The following NRXN1 variants were observed in gnomAD, a reference collection of about 807,000 sequenced individuals.
NRXN1 encodes neurexin-1.
Under a neutral mutation model 150.9 loss-of-function variants are expected in NRXN1, and 39 were observed. The observed-to-expected ratio is 0.26, with a 90% confidence interval of 0.20 to 0.34. The LOEUF (loss-of-function observed/expected upper bound fraction) is 0.34, where lower values mean the gene tolerates loss of function less well. NRXN1 is among the 10% of genes least tolerant of loss of function. The pLI, the probability that NRXN1 is intolerant of heterozygous loss-of-function variation, is 1.00. For missense variants in NRXN1, 1,815 were observed against 1,949.9 expected (o/e 0.93, Z 1.30); for synonymous variants, 924 against 757.0 (o/e 1.22, Z -3.62).
At position 50,093,673 on chromosome 2, in the gene NRXN1, G is replaced by T. The variant is rs189096159; in HGVS notation, c.3547-2179C>A. Among the ~76,000 whole-genome samples the T allele has an allele frequency of 7.9e-4, 120 of 152,038 alleles. 1 individual carries two copies. Among genetic ancestry groups the T allele is most frequent in the Non-Finnish European group, 1.3e-4 (9 of 67,964 alleles). Reference sequence around the variant, plus strand: ...TTTTAAAAATTACCCTATCTACATGGACCCTGAGTTTCCTAACAACCAAAC... The same window carrying T: ...TTTTAAAAATTACCCTATCTACATGTACCCTGAGTTTCCTAACAACCAAAC... On this transcript the variant is annotated intron_variant, in intron 18 of 22. Coordinates refer to ENST00000401669, the MANE Select transcript of NRXN1 (RefSeq NM_001330078.2).
chr2:50,689,520 C>G lies in NRXN1; in HGVS notation c.833-65905G>C, dbSNP rs9309188. Among the ~76,000 whole-genome samples the G allele has an allele frequency of 0.32, 48,325 of 152,070 alleles. 8,165 individuals carry two copies. Among genetic ancestry groups the G allele is most frequent in the East Asian group, 0.59 (3,038 of 5,152 alleles). ...AAAAGACCCAGCTCAAAGTTACATT[C>G]TCTTTGAAGCTATCTGGATTTCCCA... On this transcript the variant is annotated intron_variant, in intron 5 of 22. Transcript: ENST00000401669.
At chr2:50,941,513 T>C (rs1000823198) in intron 2 of NRXN1, among the ~76,000 whole-genome samples, 2 of 152,172 alleles carry the variant, frequency 1.3e-5, no homozygotes, top group African/African-American at 2.4e-5. Flanking sequence ...CAGATGAAGA[T>C]GAAGAACCTC....
chr2:50,231,658 A>G (rs1288277069), intron 18 of NRXN1, among the ~76,000 whole-genome samples: 1 of 152,112 alleles, frequency 6.6e-6, no homozygotes, highest in African/African-American at 2.4e-5. Context: ...CTCTTCACTC[A>G]TCCCCTCCTC....
chr2:50,348,565 A>G (rs990537094), intron 17 of NRXN1, among the ~76,000 whole-genome samples: 1 of 152,218 alleles, frequency 6.6e-6, no homozygotes, highest in Non-Finnish European at 1.5e-5. Context: ...GCATCAGGAA[A>G]TGAAAATTCC....
At chr2:50,820,396 G>A (rs1352755809) in intron 5 of NRXN1, among the ~76,000 whole-genome samples, 1 of 152,068 alleles carries the variant, frequency 6.6e-6, no homozygotes, top group Non-Finnish European at 1.5e-5. Flanking sequence ...TCACATGACT[G>A]ACAGTTCAGT....
At chr2:50,446,847 T>A (rs1440133669) in intron 17 of NRXN1, among the ~76,000 whole-genome samples, 2 of 152,076 alleles carry the variant, frequency 1.3e-5, no homozygotes, top group African/African-American at 2.4e-5. Flanking sequence ...GATTTAAACC[T>A]GCCAACAAAT....
chr2:51,020,333 A>C (rs190171245), intron 2 of NRXN1, among the ~76,000 whole-genome samples: 7 of 151,876 alleles, frequency 4.6e-5, no homozygotes, highest in Admixed American at 1.3e-4. Context: ...TATTTGTTTA[A>C]ATTTTACCCA....
intron 5 of NRXN1, among the ~76,000 whole-genome samples, chr2:50,639,223 T>TTTTTC (rs1683700071): frequency 9.1e-6 from 1 of 110,350 alleles, no homozygotes; most frequent in African/African-American, 3.9e-5. Flanking sequence ...TCTTTCTTTC[T>TTTTTC]TTTTTTTTTT....
At chr2:50,047,744 C>G (rs945373988) in intron 21 of NRXN1, among the ~76,000 whole-genome samples, 1 of 151,606 alleles carries the variant, frequency 6.6e-6, no homozygotes, top group Non-Finnish European at 1.5e-5. Flanking sequence ...CCTTTGACAT[C>G]CCACACTATT....
chr2:50,686,478 T>C (rs11900164), intron 5 of NRXN1, among the ~76,000 whole-genome samples: 4,036 of 152,258 alleles, frequency 0.027, 180 homozygotes, highest in African/African-American at 0.092. Context: ...CAGCCTCTCT[T>C]AGGAGAAAAT....
chr2:50,114,012 C>T (rs1702708100), intron 18 of NRXN1, among the ~76,000 whole-genome samples: 1 of 151,906 alleles, frequency 6.6e-6, no homozygotes, highest in Admixed American at 6.6e-5. Flanking sequence ...TATATACACA[C>T]CAGTGAAAAG....
At chr2:50,239,184 A>C (rs1336061060) in intron 17 of NRXN1, among the ~76,000 whole-genome samples, 1 of 151,912 alleles carries the variant, frequency 6.6e-6, no homozygotes, top group Non-Finnish European at 1.5e-5. Flanking sequence ...TAACTTTTCT[A>C]GTGAAGCCCA....
intron 2 of NRXN1, among the ~76,000 whole-genome samples, chr2:50,982,686 T>C (rs1460563881): frequency 1.3e-5 from 2 of 152,124 alleles, no homozygotes; most frequent in African/African-American, 4.8e-5. Flanking sequence ...CTTAAAAAGC[T>C]TGCTGTTGAC....
chr2:50,211,424 T>C (rs994409703), intron 18 of NRXN1, among the ~76,000 whole-genome samples: 22 of 151,750 alleles, frequency 1.4e-4, no homozygotes, highest in African/African-American at 5.3e-4. Context: ...AAAATATTCA[T>C]AGTCCCTAAA....
intron 15 of NRXN1, among the ~76,000 whole-genome samples, chr2:50,473,566 T>C (rs1212809657): frequency 7.9e-5 from 12 of 152,058 alleles, no homozygotes. Flanking sequence ...ACTCTTTTTA[T>C]CTACTTCTTC....
chr2:50,221,311 G>A (rs1476783642), intron 18 of NRXN1, among the ~76,000 whole-genome samples: 1 of 151,898 alleles, frequency 6.6e-6, no homozygotes, highest in Non-Finnish European at 1.5e-5. Flanking sequence ...TGTCAAATGG[G>A]GCTGCCTGCT....
chr2:50,000,640 G>T (rs1181488645), intron 21 of NRXN1, among the ~76,000 whole-genome samples: 1 of 152,118 alleles, frequency 6.6e-6, no homozygotes, highest in South Asian at 2.1e-4. Flanking sequence ...AAACAATAGA[G>T]ATTAATAAGA....
chr2:50,186,306 A>T (rs1008852114), intron 18 of NRXN1, among the ~76,000 whole-genome samples: 1 of 152,122 alleles, frequency 6.6e-6, no homozygotes, highest in Non-Finnish European at 1.5e-5. Flanking sequence ...CTAAGTCTTC[A>T]TGTCAACATT....
Position 50,211,871 on chromosome 2 carries a change from C to T in NRXN1, c.3546+24918G>A, listed in dbSNP as rs7560239. ...CAGGGTAAAAAAAGAACAGGAAATA[C>T]GTGTTCTTCGTTCATTTAATACATA... On this transcript the variant is annotated intron_variant, in intron 18 of 22. Coordinates refer to ENST00000401669, the MANE Select transcript of NRXN1 (RefSeq NM_001330078.2). 2.0e-5 allele frequency among the ~76,000 whole-genome samples: 3 copies of T among 151,036 alleles called. No individual in the cohort carries two copies. In the East Asian group the frequency reaches 5.9e-4, roughly 30 times the overall value.
Sources: allele counts gnomAD v4.1 joint callset (sites outside exome capture counted in the v4.1 genomes callset), GRCh38; gene constraint gnomAD v4.1.1; transcripts MANE v1.5; gene names NCBI Gene and HGNC (gene_info 2026-07-23, HGNC 2026-07-21).